The following NBAS variants were observed in gnomAD, a reference collection of about 807,000 sequenced individuals.
NBAS encodes the protein NAG/BC035112 fusion.
In NBAS, 219 loss-of-function variants were observed where a neutral mutation model predicts 302.5. That is an observed-to-expected ratio of 0.72 (90% CI 0.65 to 0.81). NBAS has a LOEUF of 0.81. Among genes scored for constraint, NBAS ranks in the 30% least tolerant of loss-of-function variants. NBAS has a pLI of 0.00. For synonymous variants in NBAS, 1,118 were observed against 1,021.6 expected, an observed-to-expected ratio of 1.09 and a Z score of -1.80; for missense variants, 2,932 against 2,841.6, an observed-to-expected ratio of 1.03 and a Z score of -0.72.
At chr2:14,897,940 G>A in the NBAS span, among the ~76,000 whole-genome samples, 2 of 152,288 alleles carry the variant, frequency 1.3e-5, no homozygotes, top group South Asian at 4.1e-4. Context: ...CTTGATGTTG[G>A]ACACTTTCCT....
the NBAS span, among the ~76,000 whole-genome samples, chr2:14,986,027 A>G: frequency 6.6e-6 from 1 of 152,196 alleles, no homozygotes; most frequent in Admixed American, 6.5e-5. Flanking sequence ...AGTTGAAATA[A>G]TTAAAGCTCC....
the NBAS span, among the ~76,000 whole-genome samples, chr2:14,902,225 G>T: frequency 2.0e-5 from 3 of 152,248 alleles, no homozygotes; most frequent in South Asian, 6.2e-4. Context: ...TCTGCCTCCC[G>T]GGTTCAAGTG....
the NBAS span, among the ~76,000 whole-genome samples, chr2:15,039,570 G>A: frequency 1.3e-5 from 2 of 152,172 alleles, no homozygotes; most frequent in African/African-American, 4.8e-5. Flanking sequence ...GCACAAGCCA[G>A]GAGCTTTTAG....
the NBAS span, among the ~76,000 whole-genome samples, chr2:14,892,187 G>A: frequency 6.6e-6 from 1 of 152,202 alleles, no homozygotes; most frequent in Admixed American, 6.5e-5. Context: ...CCAATGCTCT[G>A]TTGTAAGTAG....
the NBAS span, among the ~76,000 whole-genome samples, chr2:14,935,482 T>G: frequency 6.6e-6 from 1 of 152,226 alleles, no homozygotes; most frequent in Non-Finnish European, 1.5e-5. Context: ...GGTCATTTTT[T>G]TATGCTATCA....
At chr2:14,981,756 T>C in the NBAS span, among the ~76,000 whole-genome samples, 7 of 152,156 alleles carry the variant, frequency 4.6e-5, no homozygotes, top group Admixed American at 2.0e-4. Flanking sequence ...AGAACTCCAA[T>C]GCTCTAGGGA....
chr2:14,834,655 GGGTAGGA>G, the NBAS span, among the ~76,000 whole-genome samples: 12 of 152,072 alleles, frequency 7.9e-5, no homozygotes, highest in African/African-American at 1.4e-4. Flanking sequence ...TACAAGACAA[GGGTAGGA>G]GGTAGGAGAG....
chr2:14,788,606 G>T, the NBAS span, among the ~76,000 whole-genome samples: 1 of 152,228 alleles, frequency 6.6e-6, no homozygotes, highest in Non-Finnish European at 1.5e-5. Context: ...TGTTTGCCTG[G>T]CCACAGAACA....
At chr2:15,427,848 G>T in intron 21 of NBAS, 54 bp from the exon 22 acceptor site, 1 of 1,347,588 alleles carries the variant, frequency 7.4e-7, no homozygotes, top group Non-Finnish European at 1.0e-6. Context: ...CAATGACTTA[G>T]CCACACAAGG....
chr2:15,409,810 T>C (rs1676594501), intron 25 of NBAS, among the ~76,000 whole-genome samples: 1 of 152,236 alleles, frequency 6.6e-6, no homozygotes, highest in Admixed American at 6.5e-5. Context: ...TTTATAAAGT[T>C]GGATTGTAAA....
At position 15,292,526 on chromosome 2, in the gene NBAS, G is replaced by GT. The variant is rs757814606; in HGVS notation, c.5027+10dup. On this transcript the variant is annotated intron_variant, in intron 41 of 51. Transcript: ENST00000281513. Reference sequence around the variant, plus strand: ...AATCCATCCCCTTATGAAACAAAGGGTATCACTTACTCTGCCAGACCAAGG... The same window carrying GT: ...AATCCATCCCCTTATGAAACAAAGGGTTATCACTTACTCTGCCAGACCAAGG... The GT allele has an allele frequency of 2.9e-5, 47 of 1,612,354 alleles. No individual in the cohort carries two copies. Among genetic ancestry groups the GT allele is most frequent in the Non-Finnish European group, 3.6e-5 (43 of 1,178,562 alleles).
chr2:15,376,088 G>A (rs1016112412), intron 30 of NBAS, among the ~76,000 whole-genome samples: 4 of 152,134 alleles, frequency 2.6e-5, no homozygotes, highest in African/African-American at 9.7e-5. Context: ...GAGATTTATT[G>A]TCAATACATA....
intron 26 of NBAS, among the ~76,000 whole-genome samples, chr2:15,401,627 T>C (rs1037091604): frequency 2.0e-5 from 3 of 152,272 alleles, no homozygotes; most frequent in East Asian, 3.9e-4. Flanking sequence ...AGGGATTAGA[T>C]TGCTACCTGA....
intron 16 of NBAS, 145 bp from the exon 17 acceptor site, chr2:15,468,678 A>G: frequency 1.1e-6 from 1 of 893,940 alleles, no homozygotes; most frequent in East Asian, 2.6e-5. Context: ...GAGGAACTCA[A>G]GAGAAAAGCA....
chr2:14,858,868 T>C, the NBAS span, among the ~76,000 whole-genome samples: 1 of 152,102 alleles, frequency 6.6e-6, no homozygotes, highest in East Asian at 1.9e-4. Flanking sequence ...AAATGATGGA[T>C]ACCCCTCATT....
At position 15,292,689 on chromosome 2, in the gene NBAS, A is replaced by C. The variant is rs746274774; in HGVS notation, c.4875T>G (p.Leu1625=). The C allele has an allele frequency of 6.2e-7, 1 of 1,614,208 alleles. No homozygotes were observed. Among genetic ancestry groups the C allele is most frequent in the East Asian group, 2.2e-5 (1 of 44,866 alleles). The change falls in exon 41 of 52, where the codon CTT becomes CTG. Residue 1625 remains leucine, a synonymous_variant. Coordinates refer to ENST00000281513, the MANE Select transcript of NBAS (RefSeq NM_015909.4). ...RHEHEAWPED[L]ISLTKQLHCY... The stretch of plus-strand genomic sequence containing the variant: ...AGTGTAACTGCTTGGTCAGTGAAAT[A>C]AGGTCTTCAGGCCAGGCTTCGTGCT...
chr2:15,238,783 TA>T, intron 44 of NBAS, 97 bp from the exon 45 acceptor site: 1 of 1,116,814 alleles, frequency 9.0e-7, no homozygotes, highest in Non-Finnish European at 1.3e-6. Flanking sequence ...GAAATTTTTG[TA>T]TATATGATTT....
the NBAS span, among the ~76,000 whole-genome samples, chr2:15,024,123 C>A: frequency 6.6e-6 from 1 of 152,076 alleles, no homozygotes; most frequent in Admixed American, 6.5e-5. Context: ...TCCCTCCTCC[C>A]ACCCTCCTTT....
chr2:14,988,822 C>T, the NBAS span, among the ~76,000 whole-genome samples: 3 of 151,974 alleles, frequency 2.0e-5, no homozygotes, highest in South Asian at 2.1e-4. Context: ...ACTGATAAAC[C>T]CCTAGTACTT....
Sources: allele counts gnomAD v4.1 joint callset (sites outside exome capture counted in the v4.1 genomes callset), GRCh38; gene constraint gnomAD v4.1.1; transcripts MANE v1.5; gene names NCBI Gene and HGNC (gene_info 2026-07-23, HGNC 2026-07-21).